The following ERC2 variants were observed in gnomAD, a reference collection of about 807,000 sequenced individuals.
The protein encoded by ERC2 is ELKS/RAB6-interacting/CAST family member 2.
Under a neutral mutation model 114.8 loss-of-function variants are expected in ERC2, and 42 were observed. The ratio of observed to expected loss-of-function variants is 0.37; its 90% confidence interval spans 0.29 to 0.47. ERC2 has a LOEUF of 0.47. Among genes scored for constraint, ERC2 ranks in the 20% least tolerant of loss-of-function variants. ERC2 has a pLI of 0.99. For synonymous variants in ERC2, 454 were observed against 425.5 expected, an observed-to-expected ratio of 1.07 and a Z score of -0.82; for missense variants, 939 against 1,150.7, an observed-to-expected ratio of 0.82 and a Z score of 2.66.
At chr3:55,971,045 A>G (rs1400837837) in intron 12 of ERC2, among the ~76,000 whole-genome samples, 3 of 152,226 alleles carry the variant, frequency 2.0e-5, no homozygotes, top group Non-Finnish European at 2.9e-5. Context: ...AACATGGATG[A>G]AACTCAAATA....
intron 13 of ERC2, among the ~76,000 whole-genome samples, chr3:55,915,622 T>C (rs1409178543): frequency 1.3e-5 from 2 of 152,196 alleles, no homozygotes; most frequent in Non-Finnish European, 2.9e-5. Flanking sequence ...TGGATCCTTA[T>C]GGATGTCAAT....
At chr3:56,416,554 T>C (rs1397291167) in intron 2 of ERC2, among the ~76,000 whole-genome samples, 5 of 151,582 alleles carry the variant, frequency 3.3e-5, no homozygotes, top group African/African-American at 7.3e-5. Flanking sequence ...CATGCCATGA[T>C]GATGTTCTGG....
At chr3:56,015,443 T>C (rs972683215) in intron 8 of ERC2, among the ~76,000 whole-genome samples, 6 of 147,954 alleles carry the variant, frequency 4.1e-5, no homozygotes, top group African/African-American at 1.5e-4. Flanking sequence ...CTCCCACTTA[T>C]AAGTGAGAAT....
intron 6 of ERC2, among the ~76,000 whole-genome samples, chr3:56,110,961 T>C (rs1381679139): frequency 6.6e-6 from 1 of 152,148 alleles, no homozygotes; most frequent in South Asian, 2.1e-4. Context: ...CCTAGTTCTT[T>C]TGATTGTTGG....
chr3:56,311,235 CTCTCTCTCTCTCTCTCTCTCTATATA>C (rs1361307760), intron 2 of ERC2, among the ~76,000 whole-genome samples: 24 of 15,930 alleles, frequency 1.5e-3, no homozygotes, highest in Admixed American at 6.4e-3. Flanking sequence ...ATCATCTTCT[CTCTCTCTCTCTCTCTCTCTCTATATA>C]TATATATATA....
chr3:55,933,221 A>G (rs1055868019), intron 13 of ERC2, among the ~76,000 whole-genome samples: 11 of 151,744 alleles, frequency 7.2e-5, no homozygotes, highest in Admixed American at 3.9e-4. Context: ...AAAAAAAAAA[A>G]AGAGAGAGAA....
intron 14 of ERC2, among the ~76,000 whole-genome samples, chr3:55,879,052 A>G (rs1162309571): frequency 6.7e-6 from 1 of 149,422 alleles, no homozygotes; most frequent in Non-Finnish European, 1.5e-5. Context: ...CCATGCAGTA[A>G]CTTTCTTTTT....
chr3:56,449,397 G>A (rs116762413), intron 1 of ERC2, among the ~76,000 whole-genome samples: 2 of 152,296 alleles, frequency 1.3e-5, no homozygotes, highest in African/African-American at 4.8e-5. Flanking sequence ...GCAGTCAGAG[G>A]AGAACCAGAG....
At chr3:56,070,053 C>G (rs2076657602) in intron 7 of ERC2, among the ~76,000 whole-genome samples, 1 of 152,142 alleles carries the variant, frequency 6.6e-6, no homozygotes, top group Non-Finnish European at 1.5e-5. Context: ...TTATGGGAAA[C>G]TAAAACAGGT....
intron 16 of ERC2, among the ~76,000 whole-genome samples, chr3:55,692,313 C>T (rs959231520): frequency 1.3e-5 from 2 of 152,186 alleles, no homozygotes; most frequent in Non-Finnish European, 2.9e-5. Flanking sequence ...TTCTGTTGGA[C>T]TGTGAGGCCC....
chr3:56,299,433 A>T (rs78476520), intron 2 of ERC2, among the ~76,000 whole-genome samples: 2 of 120,840 alleles, frequency 1.7e-5, no homozygotes, highest in Non-Finnish European at 1.8e-5. Context: ...CAGCTAATAG[A>T]TTTTTTTTTT....
At chr3:56,118,033 T>C (rs2079346199) in intron 6 of ERC2, among the ~76,000 whole-genome samples, 1 of 152,312 alleles carries the variant, frequency 6.6e-6, no homozygotes, top group Admixed American at 6.5e-5. Flanking sequence ...GCCCTTTTAA[T>C]TATTCTACCT....
intron 14 of ERC2, among the ~76,000 whole-genome samples, chr3:55,846,690 TCTTTC>T (rs1559754865): frequency 4.9e-5 from 6 of 121,260 alleles, no homozygotes; most frequent in African/African-American, 2.1e-4. Flanking sequence ...TCTCTCTCTC[TCTTTC>T]TCTCTCTCTC....
intron 17 of ERC2, among the ~76,000 whole-genome samples, chr3:55,583,371 CTTCT>C (rs2057360130): frequency 3.4e-5 from 5 of 147,988 alleles, no homozygotes; most frequent in African/African-American, 1.3e-4. Context: ...GCCTGCCTGC[CTTCT>C]TTCCTTCTTT....
At chr3:55,887,866 C>T (rs537711731) in intron 14 of ERC2, among the ~76,000 whole-genome samples, 7 of 152,198 alleles carry the variant, frequency 4.6e-5, no homozygotes, top group Non-Finnish European at 8.8e-5. Flanking sequence ...GGATTTCTAA[C>T]CTATTTTTAT....
chr3:56,114,457 A>G (rs996258583), intron 6 of ERC2, among the ~76,000 whole-genome samples: 3 of 152,212 alleles, frequency 2.0e-5, no homozygotes, highest in East Asian at 1.9e-4. Flanking sequence ...GGGAGTGGGT[A>G]TAACAGGCAT....
At position 55,942,266 on chromosome 3, in the gene ERC2, C is replaced by CTT. The variant is rs56851837; in HGVS notation, c.2403+8157_2403+8158dup. 2.6e-3 allele frequency among the ~76,000 whole-genome samples: 110 copies of CTT among 42,104 alleles called. 38 individuals are homozygous for CTT. Among genetic ancestry groups the CTT allele is most frequent in the African/African-American group, 5.5e-3 (65 of 11,858 alleles). 27.6% of individuals were successfully genotyped at this position (42,104 alleles called of 152,430 possible). A position where few individuals can be genotyped will look rare whatever the true frequency, so the allele number is the denominator to read the frequency against. The stretch of plus-strand genomic sequence containing the variant: ...TATTAAATGAAGTCTAAGGTCCTTT[C>CTT]TTTTTTTTTTTTTTTTTTTTTTTTT... On this transcript the variant is annotated intron_variant, in intron 13 of 17. Coordinates refer to ENST00000288221, the MANE Select transcript of ERC2 (RefSeq NM_015576.3).
chr3:55,792,824 A>G (rs2070154427), intron 14 of ERC2, among the ~76,000 whole-genome samples: 1 of 152,208 alleles, frequency 6.6e-6, no homozygotes, highest in African/African-American at 2.4e-5. Flanking sequence ...AAGGACCACC[A>G]TGTCTTCCAG....
intron 14 of ERC2, among the ~76,000 whole-genome samples, chr3:55,816,755 GAAAACA>G (rs1553689306): frequency 1.3e-5 from 2 of 150,946 alleles, no homozygotes; most frequent in Admixed American, 1.3e-4. Context: ...TTTATCTGGG[GAAAACA>G]AAAACAAAAA....
Sources: gnomAD v4.1 joint callset for allele counts (sites outside exome capture counted in the v4.1 genomes callset) on GRCh38, gnomAD v4.1.1 for gene constraint, MANE v1.5 for transcripts, NCBI Gene and HGNC (gene_info 2026-07-23, HGNC 2026-07-21) for gene names.